Variants in STPG2 observed in about 807,000 individuals in gnomAD.
STPG2 encodes sperm tail PG-rich repeat containing 2.
Under a neutral mutation model 54.2 loss-of-function variants are expected in STPG2, and 56 were observed. The ratio of observed to expected loss-of-function variants is 1.03; its 90% CI spans 0.83 to 1.29. STPG2 has a LOEUF of 1.29. Ranked by LOEUF, STPG2 falls within the 50% of genes most tolerant of loss-of-function variation. The pLI is 0.00. For missense variants in STPG2, 596 were observed against 544.9 expected (o/e 1.09, Z -0.93); for synonymous variants, 200 against 181.8 (o/e 1.10, Z -0.81).
chr4:97,918,555 A>G (rs1005091129), intron 8 of STPG2, among the ~76,000 whole-genome samples: 1 of 152,122 alleles, frequency 6.6e-6, no homozygotes, highest in African/African-American at 2.4e-5. Flanking sequence ...CAGGAAATAA[A>G]TAAATATATA....
intron 5 of STPG2, among the ~76,000 whole-genome samples, chr4:98,087,288 C>T (rs1048701904): frequency 1.3e-5 from 2 of 152,086 alleles, no homozygotes; most frequent in African/African-American, 4.8e-5. Flanking sequence ...AACCTAAAAA[C>T]TTCACGTTTT....
intron 10 of STPG2, among the ~76,000 whole-genome samples, chr4:97,660,051 G>A (rs945841302): frequency 6.7e-6 from 1 of 149,190 alleles, no homozygotes; most frequent in African/African-American, 2.5e-5. Flanking sequence ...CGCCCAGGCT[G>A]GAGTGCAGTG....
chr4:97,948,648 C>T (rs948586274), intron 7 of STPG2, among the ~76,000 whole-genome samples: 2 of 151,944 alleles, frequency 1.3e-5, no homozygotes, highest in African/African-American at 2.4e-5. Flanking sequence ...GTTTAATTTC[C>T]AACTTGATTT....
chr4:97,778,236 G>A (rs1726447589), intron 9 of STPG2, among the ~76,000 whole-genome samples: 1 of 152,162 alleles, frequency 6.6e-6, no homozygotes, highest in Non-Finnish European at 1.5e-5. Flanking sequence ...TTTTCCAATG[G>A]TCGTAGCAAA....
chr4:97,871,229 G>C (rs756683239), intron 8 of STPG2, among the ~76,000 whole-genome samples: 8 of 150,812 alleles, frequency 5.3e-5, no homozygotes, highest in Admixed American at 2.7e-4. Flanking sequence ...TCATATAAAA[G>C]ATGTAGGAAA....
chr4:97,615,376 T>A (rs1378085783), intron 10 of STPG2, among the ~76,000 whole-genome samples: 1 of 152,160 alleles, frequency 6.6e-6, no homozygotes, highest in East Asian at 1.9e-4. Flanking sequence ...AATCTTTGAT[T>A]TGACAATATA....
intron 10 of STPG2, among the ~76,000 whole-genome samples, chr4:97,579,552 G>A (rs1432597777): frequency 6.6e-6 from 1 of 151,958 alleles, no homozygotes; most frequent in Non-Finnish European, 1.5e-5. Flanking sequence ...GTTAAGAATG[G>A]ATTAAAATTA....
chr4:97,723,724 C>T (rs934819634), intron 9 of STPG2, among the ~76,000 whole-genome samples: 1 of 152,026 alleles, frequency 6.6e-6, no homozygotes, highest in Non-Finnish European at 1.5e-5. Flanking sequence ...GCTAGGGAGG[C>T]CTCAGGAAAT....
chr4:97,965,001 G>A (rs553781221), intron 7 of STPG2, among the ~76,000 whole-genome samples: 1 of 152,296 alleles, frequency 6.6e-6, no homozygotes, highest in South Asian at 2.1e-4. Context: ...GACAGTGGGT[G>A]CAGCCCACAG....
At chr4:97,911,850 C>A (rs1731691077) in intron 8 of STPG2, among the ~76,000 whole-genome samples, 1 of 152,122 alleles carries the variant, frequency 6.6e-6, no homozygotes, top group African/African-American at 2.4e-5. Flanking sequence ...CAGACTGCTT[C>A]TTTAAGCAGG....
At chr4:97,529,567 C>T (rs1731367008) in intron 4 of STPG2, among the ~76,000 whole-genome samples, 1 of 152,104 alleles carries the variant, frequency 6.6e-6, no homozygotes, top group South Asian at 2.1e-4. Flanking sequence ...GTAGCATCTC[C>T]TCTTTGCATG....
At chr4:97,891,228 T>C (rs1730759674) in intron 8 of STPG2, among the ~76,000 whole-genome samples, 1 of 152,050 alleles carries the variant, frequency 6.6e-6, no homozygotes, top group Non-Finnish European at 1.5e-5. Flanking sequence ...TAATCTCACT[T>C]TGTGATCATT....
In STPG2 at chr4:97,518,651, C is replaced by T. The variant is rs951859154; in HGVS notation, c.462+194048G>A. 1.1e-4 allele frequency among the ~76,000 whole-genome samples: 16 copies of T among 152,046 alleles called. No homozygotes were observed. The East Asian group carries it at 1.2e-3, about 11-fold the overall frequency. On this transcript the variant is annotated intron_variant, in intron 4 of 4. Coordinates refer to the STPG2 transcript ENST00000522676. The stretch of plus-strand genomic sequence containing the variant: ...ATTGGTAAATACGATCCATTCAGGG[C>T]GACAAAAATTGGCTATTGACAATAA...
intron 10 of STPG2, among the ~76,000 whole-genome samples, chr4:97,699,635 G>T (rs566819298): frequency 1.3e-5 from 2 of 152,332 alleles, no homozygotes; most frequent in Non-Finnish European, 2.9e-5. Flanking sequence ...ACTGAGGAGA[G>T]TTCCCTTCAC....
chr4:97,932,113 T>C (rs898560335), intron 8 of STPG2, among the ~76,000 whole-genome samples: 7 of 152,168 alleles, frequency 4.6e-5, no homozygotes, highest in African/African-American at 1.7e-4. Flanking sequence ...TCCAATTGTG[T>C]TAGTTTGAAT....
chr4:97,918,830 G>T (rs1024840393), intron 8 of STPG2, among the ~76,000 whole-genome samples: 2 of 152,142 alleles, frequency 1.3e-5, no homozygotes, highest in African/African-American at 4.8e-5. Flanking sequence ...GTGGGAGACA[G>T]GTGAGGGAAA....
chr4:97,865,253 A>C (rs945705492), intron 8 of STPG2, among the ~76,000 whole-genome samples: 2 of 152,138 alleles, frequency 1.3e-5, no homozygotes, highest in African/African-American at 4.8e-5. Flanking sequence ...CAAGAAAAAA[A>C]CAAACAACCC....
At chr4:97,585,448 G>A (rs1267927766) in intron 10 of STPG2, among the ~76,000 whole-genome samples, 1 of 151,900 alleles carries the variant, frequency 6.6e-6, no homozygotes, top group Non-Finnish European at 1.5e-5. Context: ...ACAACAAGAA[G>A]CCCAACACAG....
intron 8 of STPG2, among the ~76,000 whole-genome samples, chr4:97,911,026 G>A (rs1019221870): frequency 2.6e-5 from 4 of 152,204 alleles, no homozygotes; most frequent in Non-Finnish European, 4.4e-5. Flanking sequence ...TGGGGCAATA[G>A]CTCACCTGGA....
Sources: gnomAD v4.1 joint callset for allele counts (sites outside exome capture counted in the v4.1 genomes callset) on GRCh38, gnomAD v4.1.1 for gene constraint, MANE v1.5 for transcripts, NCBI Gene and HGNC (gene_info 2026-07-23, HGNC 2026-07-21) for gene names.